RAD51B: variants seen among roughly 807,000 people sequenced by gnomAD.
The protein encoded by RAD51B is RAD51 paralog B.
A neutral mutation model predicts 42.2 loss-of-function variants in RAD51B; 38 were observed. The ratio of observed to expected loss-of-function variants is 0.90; its 90% CI spans 0.70 to 1.18. The LOEUF is 1.18. Among genes scored for constraint, RAD51B ranks in the 50% most tolerant of loss-of-function variants. RAD51B has a pLI of 0.00. For synonymous variants in RAD51B, 154 were observed against 145.2 expected, an observed-to-expected ratio of 1.06 and a Z score of -0.43; for missense variants, 373 against 400.7, an observed-to-expected ratio of 0.93 and a Z score of 0.59.
intron 8 of RAD51B, among the ~76,000 whole-genome samples, chr14:68,296,656 G>A (rs756171258): frequency 6.6e-6 from 1 of 152,176 alleles, no homozygotes; most frequent in Non-Finnish European, 1.5e-5. Context: ...TGGTAACAGT[G>A]AGCCCTGTGC....
intron 7 of RAD51B, among the ~76,000 whole-genome samples, chr14:67,942,944 C>T (rs1165535840): frequency 6.6e-6 from 1 of 151,966 alleles, no homozygotes; most frequent in Non-Finnish European, 1.5e-5. Flanking sequence ...TTTCTTGGTA[C>T]GTTCTTTTGT....
intron 8 of RAD51B, among the ~76,000 whole-genome samples, chr14:68,324,669 G>T (rs977754276): frequency 6.6e-6 from 1 of 152,058 alleles, no homozygotes; most frequent in African/African-American, 2.4e-5. Context: ...TTTTTTTCTA[G>T]AGTGTGACTA....
chr14:68,651,993 C>T (rs1892710695), intron 11 of RAD51B, among the ~76,000 whole-genome samples: 1 of 152,156 alleles, frequency 6.6e-6, no homozygotes, highest in Admixed American at 6.5e-5. Flanking sequence ...GGAATGGGGG[C>T]ATGAGTTGGA....
chr14:67,880,407 A>G (rs1356339350), intron 5 of RAD51B, among the ~76,000 whole-genome samples: 2 of 152,212 alleles, frequency 1.3e-5, no homozygotes, highest in African/African-American at 4.8e-5. Context: ...CTGAGAACCC[A>G]ATTGTACAGA....
At chr14:68,418,840 A>C (rs1594808066) in intron 9 of RAD51B, among the ~76,000 whole-genome samples, 2 of 152,212 alleles carry the variant, frequency 1.3e-5, no homozygotes, top group South Asian at 4.1e-4. Context: ...TTGGCTAGGG[A>C]AAGTAAAAAG....
At chr14:68,373,564 A>C (rs1321332785) in intron 8 of RAD51B, among the ~76,000 whole-genome samples, 2 of 152,192 alleles carry the variant, frequency 1.3e-5, no homozygotes, top group East Asian at 3.9e-4. Flanking sequence ...GTGGGATTTA[A>C]TGATGAGAAC....
At chr14:67,838,256 C>T (rs970270190) in intron 4 of RAD51B, among the ~76,000 whole-genome samples, 2 of 152,008 alleles carry the variant, frequency 1.3e-5, no homozygotes, top group Admixed American at 6.6e-5. Context: ...AAAATGGGAG[C>T]GTAGATTGAC....
chr14:68,515,778 C>CTTTTTTT (rs546071661), intron 10 of RAD51B, among the ~76,000 whole-genome samples: 4 of 113,422 alleles, frequency 3.5e-5, no homozygotes, highest in Admixed American at 9.4e-5. Context: ...CTTTTCTTTT[C>CTTTTTTT]TTTTTTTTTT....
chr14:68,241,577 G>A (rs2080388897), intron 7 of RAD51B, among the ~76,000 whole-genome samples: 1 of 152,054 alleles, frequency 6.6e-6, no homozygotes, highest in South Asian at 2.1e-4. Flanking sequence ...GTCAATCATG[G>A]TGTCATGATA....
chr14:68,156,455 T>TTCTCTCTCTCTC (rs10650896), intron 7 of RAD51B, among the ~76,000 whole-genome samples: 1,940 of 114,294 alleles, frequency 0.017, 101 homozygotes, highest in African/African-American at 0.028. Context: ...CTTAGAAAAT[T>TTCTCTCTCTCTC]TCTCTCTCTC....
At chr14:67,960,364 A>G (rs991263745) in intron 7 of RAD51B, among the ~76,000 whole-genome samples, 2 of 152,158 alleles carry the variant, frequency 1.3e-5, no homozygotes, top group African/African-American at 2.4e-5. Flanking sequence ...CAGAATCGTT[A>G]TGATTGTTTC....
At chr14:68,208,439 A>G (rs1324946517) in intron 7 of RAD51B, among the ~76,000 whole-genome samples, 3 of 152,194 alleles carry the variant, frequency 2.0e-5, no homozygotes, top group Non-Finnish European at 4.4e-5. Flanking sequence ...GAAAGCCAAG[A>G]TATTCTCATT....
At chr14:67,859,586 C>A (rs1426879379) in intron 4 of RAD51B, among the ~76,000 whole-genome samples, 1 of 152,152 alleles carries the variant, frequency 6.6e-6, no homozygotes, top group Non-Finnish European at 1.5e-5. Context: ...AATTAATGAA[C>A]ATGTGGGACA....
At chr14:68,044,516 A>G (rs750472790) in intron 7 of RAD51B, among the ~76,000 whole-genome samples, 24 of 152,190 alleles carry the variant, frequency 1.6e-4, no homozygotes, top group Non-Finnish European at 2.5e-4. Flanking sequence ...TAGGTTGTCT[A>G]CAGAGATCCA....
At chr14:68,519,309 A>G (rs1057437589) in intron 10 of RAD51B, among the ~76,000 whole-genome samples, 1 of 152,250 alleles carries the variant, frequency 6.6e-6, no homozygotes, top group Non-Finnish European at 1.5e-5. Context: ...TTCCTGGCCA[A>G]CCTGAATTAA....
At position 67,940,934 on chromosome 14, in the gene RAD51B, C is replaced by A. The variant is rs554327693; in HGVS notation, c.756+53730C>A. Reference sequence around the variant, plus strand: ...CTCTCCAATTCATGTTTCCTTCTTACAACGTGGTCATATGCTTGCCCAGGC... The same window carrying A: ...CTCTCCAATTCATGTTTCCTTCTTAAAACGTGGTCATATGCTTGCCCAGGC... On this transcript the variant is annotated intron_variant, in intron 7 of 10. Transcript: ENST00000471583. Among the ~76,000 whole-genome samples the A allele has an allele frequency of 1.7e-4, 26 of 152,266 alleles. No individual in the cohort carries two copies. In the South Asian group the frequency reaches 4.6e-3, roughly 27 times the overall value.
chr14:67,926,991 G>A (rs562648433), intron 7 of RAD51B, among the ~76,000 whole-genome samples: 119 of 152,254 alleles, frequency 7.8e-4, no homozygotes, highest in African/African-American at 2.8e-3. Context: ...ATAGATTTTA[G>A]CCAATGATAT....
intron 7 of RAD51B, among the ~76,000 whole-genome samples, chr14:68,276,509 T>C (rs1435896437): frequency 6.6e-6 from 1 of 152,260 alleles, no homozygotes. Context: ...TTTTAATAAT[T>C]AATTACTTGA....
chr14:68,247,652 A>C (rs531718904), intron 7 of RAD51B, among the ~76,000 whole-genome samples: 83 of 152,218 alleles, frequency 5.5e-4, no homozygotes, highest in Non-Finnish European at 1.1e-3. Flanking sequence ...AATTTTAAGG[A>C]GAAACACTTG....
Sources: gnomAD v4.1 joint callset for allele counts (sites outside exome capture counted in the v4.1 genomes callset) on GRCh38, gnomAD v4.1.1 for gene constraint, MANE v1.5 for transcripts, NCBI Gene and HGNC (gene_info 2026-07-23, HGNC 2026-07-21) for gene names.